GPRIN3: variants seen among roughly 807,000 people sequenced by gnomAD.
GPRIN3 encodes G protein-regulated inducer of neurite outgrowth 3.
GPRIN3 carries 12 observed loss-of-function variants against 13.7 expected under a neutral mutation model. The observed-to-expected ratio is 0.87, with a 90% CI of 0.56 to 1.42. The LOEUF is 1.42. Ranked by LOEUF, GPRIN3 falls within the 40% of genes most tolerant of loss-of-function variation. The probability of loss-of-function intolerance (pLI) is 0.00; values close to 1 mark genes in which losing one functional copy is unlikely to be tolerated. For missense variants in GPRIN3, 1,009 were observed against 958.7 expected, an observed-to-expected ratio of 1.05 and a Z score of -0.69; for synonymous variants, 377 against 372.7, an observed-to-expected ratio of 1.01 and a Z score of -0.13.
intron 1 of GPRIN3, among the ~76,000 whole-genome samples, chr4:89,305,153 T>C (rs1334615259): frequency 2.6e-5 from 4 of 152,198 alleles, no homozygotes; most frequent in African/African-American, 4.8e-5. Flanking sequence ...CGTCTTACCA[T>C]CTTTATGTAC....
chr4:89,304,420 GTA>G (rs916255508), intron 1 of GPRIN3, among the ~76,000 whole-genome samples: 1 of 138,678 alleles, frequency 7.2e-6, no homozygotes, highest in African/African-American at 2.8e-5. Context: ...ACACACATAC[GTA>G]TATATATATT....
At chr4:89,299,362 A>G (rs992395299) in intron 1 of GPRIN3, among the ~76,000 whole-genome samples, 1 of 152,158 alleles carries the variant, frequency 6.6e-6, no homozygotes, top group Admixed American at 6.5e-5. Context: ...ATAAAGTAGG[A>G]GGCACGAAGT....
At chr4:89,307,269 TCACACACA>T (rs57752539) in intron 1 of GPRIN3, among the ~76,000 whole-genome samples, 2 of 147,182 alleles carry the variant, frequency 1.4e-5, no homozygotes, top group Admixed American at 1.3e-4. Context: ...GAGACAAATG[TCACACACA>T]CACACACACA....
chr4:89,270,594 T>A (rs868214828), intron 1 of GPRIN3, among the ~76,000 whole-genome samples: 4 of 129,416 alleles, frequency 3.1e-5, no homozygotes, highest in African/African-American at 1.3e-4. Flanking sequence ...TATATATATA[T>A]ATATATAAAA....
At chr4:89,262,975 T>G (rs1723675089) in intron 1 of GPRIN3, among the ~76,000 whole-genome samples, 1 of 152,232 alleles carries the variant, frequency 6.6e-6, no homozygotes, top group Non-Finnish European at 1.5e-5. Context: ...AATGCATTTA[T>G]TTTTATTTCT....
chr4:89,307,035 T>C (rs979890019), intron 1 of GPRIN3, among the ~76,000 whole-genome samples: 1 of 152,110 alleles, frequency 6.6e-6, no homozygotes, highest in Non-Finnish European at 1.5e-5. Flanking sequence ...GTCTCTACCC[T>C]GATTTAATGT....
intron 1 of GPRIN3, among the ~76,000 whole-genome samples, chr4:89,272,975 C>A (rs939369722): frequency 2.6e-5 from 4 of 152,100 alleles, no homozygotes; most frequent in Non-Finnish European, 5.9e-5. Flanking sequence ...GCACATAGAG[C>A]TTTAGAAGTG....
intron 1 of GPRIN3, among the ~76,000 whole-genome samples, chr4:89,253,367 T>C (rs1723383186): frequency 6.6e-6 from 1 of 152,110 alleles, no homozygotes; most frequent in African/African-American, 2.4e-5. Context: ...AGTGAGAAAA[T>C]GGTGTTATCT....
rs199755615 is a variant in GPRIN3, at chr4:89,248,595, C to T, written c.1516G>A (p.Asp506Asn). The T allele has an allele frequency of 5.0e-6, 8 of 1,613,604 alleles. No individual in the cohort carries two copies. The highest frequency in any genetic ancestry group is 3.3e-4 in the Middle Eastern group (2 of 6,084). ...AEKTTNGHKT[D>N]PDCKLSDSCG... is the part of the protein sequence containing the mutation. ...GAGTCAGATAGTTTGCAATCTGGGTCTGTTTTGTGGCCGTTTGTCGTTTTC... is the reference window on the plus strand; with the variant it reads ...GAGTCAGATAGTTTGCAATCTGGGTTTGTTTTGTGGCCGTTTGTCGTTTTC... The change falls in exon 2 of 2, where the codon GAC (aspartate) becomes AAC (asparagine). Residue 506 changes from aspartate to asparagine, a missense_variant. Transcript: ENST00000609438.
Position 89,256,761 on chromosome 4 carries a change from G to A in GPRIN3, c.-123-6528C>T, listed in dbSNP as rs894522304. 4.6e-5 allele frequency among the ~76,000 whole-genome samples: 7 copies of A among 152,190 alleles called. No homozygotes were observed. In the East Asian group the frequency reaches 5.8e-4, roughly 13 times the overall value. On this transcript the variant is annotated intron_variant, in intron 1 of 1. Coordinates refer to ENST00000609438, the MANE Select transcript of GPRIN3 (RefSeq NM_198281.3). Reference sequence around the variant, plus strand: ...TCCAGCCATCTGACAGCTGTTTTTAGTAATCAGATAGCTCCTGCAAAGACC... The same window carrying A: ...TCCAGCCATCTGACAGCTGTTTTTAATAATCAGATAGCTCCTGCAAAGACC...
chr4:89,297,416 G>C (rs1724769106), intron 1 of GPRIN3, among the ~76,000 whole-genome samples: 1 of 151,960 alleles, frequency 6.6e-6, no homozygotes, highest in East Asian at 1.9e-4. Context: ...TTTGTTTCTT[G>C]TTCATTCTTT....
chr4:89,290,946 G>A (rs1272378699), intron 1 of GPRIN3, among the ~76,000 whole-genome samples: 2 of 152,114 alleles, frequency 1.3e-5, no homozygotes, highest in Admixed American at 6.6e-5. Context: ...TTAGGCAACA[G>A]AACTGTCAGC....
chr4:89,245,406 T>C lies in GPRIN3; in HGVS notation c.*2374A>G, dbSNP rs1028409018. ...ATAGACATAACCACAATAGCAAATC[T>C]AGCAATTTTAATGTATTTAATGTGA... On this transcript the variant is annotated 3_prime_UTR_variant, in exon 2 of 2. Coordinates refer to ENST00000609438, the MANE Select transcript of GPRIN3 (RefSeq NM_198281.3). The C allele has an allele frequency of 6.6e-6, 1 of 152,236 alleles. No individual in the cohort carries two copies. The allele number at this position is 152,236 out of a possible 1,614,324, so 9.4% of individuals were successfully genotyped here. A position where few individuals can be genotyped will look rare whatever the true frequency, so the allele number is the denominator to read the frequency against.
intron 1 of GPRIN3, among the ~76,000 whole-genome samples, chr4:89,276,070 T>G (rs546798034): frequency 2.6e-5 from 4 of 152,236 alleles, no homozygotes; most frequent in East Asian, 1.9e-4. Flanking sequence ...GGATAAACAG[T>G]AGTACTTTTC....
Position 89,250,350 on chromosome 4 carries a change from T to G in GPRIN3, c.-123-117A>C, listed in dbSNP as rs774613447. ...AAACTTTTCTTCCCATACCTGTTGA[T>G]ATAAAAATAGACCTTGTGGGGAGGG... On this transcript the variant is annotated intron_variant, in intron 1 of 1. Coordinates refer to ENST00000609438, the MANE Select transcript of GPRIN3 (RefSeq NM_198281.3). 363 of 516,664 alleles carry G rather than the reference T, an allele frequency of 7.0e-4. 1 individual carries two copies. Among genetic ancestry groups the G allele is most frequent in the Non-Finnish European group, 9.6e-4 (317 of 328,786 alleles). The allele number at this position is 516,664 out of a possible 1,614,324, so 32.0% of individuals were successfully genotyped here.
At chr4:89,277,764 T>G (rs1275253968) in intron 1 of GPRIN3, among the ~76,000 whole-genome samples, 5 of 152,224 alleles carry the variant, frequency 3.3e-5, no homozygotes, top group Non-Finnish European at 5.9e-5. Flanking sequence ...GACCTTGATG[T>G]GGAGGGATCC....
chr4:89,286,168 A>G (rs1320097992), intron 1 of GPRIN3, among the ~76,000 whole-genome samples: 1 of 151,962 alleles, frequency 6.6e-6, no homozygotes, highest in Admixed American at 6.6e-5. Context: ...ATAATGCTTG[A>G]GGAGTTGTGA....
chr4:89,281,767 C>A (rs1187668184), intron 1 of GPRIN3, among the ~76,000 whole-genome samples: 2 of 152,150 alleles, frequency 1.3e-5, no homozygotes, highest in Non-Finnish European at 2.9e-5. Context: ...GTTATGGCCA[C>A]TCTAGGAAAC....
chr4:89,295,873 A>G (rs1424379738), intron 1 of GPRIN3, among the ~76,000 whole-genome samples: 2 of 152,098 alleles, frequency 1.3e-5, no homozygotes, highest in Non-Finnish European at 2.9e-5. Context: ...CATTAAATTG[A>G]CTTTAACTGG....
Sources: gnomAD v4.1 joint callset for allele counts (sites outside exome capture counted in the v4.1 genomes callset) on GRCh38, gnomAD v4.1.1 for gene constraint, MANE v1.5 for transcripts, NCBI Gene and HGNC (gene_info 2026-07-23, HGNC 2026-07-21) for gene names.